Variants in DLG2 observed in about 807,000 individuals in gnomAD.
The protein encoded by DLG2 is discs large MAGUK scaffold protein 2.
In DLG2, 45 loss-of-function variants were observed where a neutral mutation model predicts 132.5. That is an observed-to-expected ratio of 0.34 (90% CI 0.27 to 0.44). The LOEUF is 0.44. DLG2 is among the 20% of genes least tolerant of loss of function. The pLI is 1.00. For synonymous variants in DLG2, 424 were observed against 419.6 expected, an observed-to-expected ratio of 1.01 and a Z score of -0.13; for missense variants, 1,045 against 1,196.9, an observed-to-expected ratio of 0.87 and a Z score of 1.87.
At position 85,523,088 on chromosome 11, in the gene DLG2, G is replaced by A. The variant is rs185725212; in HGVS notation, c.40+75569C>T. Among the ~76,000 whole-genome samples, 3 of 152,260 alleles carry A rather than the reference G, an allele frequency of 2.0e-5. No individual in the cohort carries two copies. In the East Asian group the frequency reaches 5.8e-4, roughly 29 times the overall value. On this transcript the variant is annotated intron_variant, in intron 3 of 27. Coordinates refer to ENST00000376104, the MANE Select transcript of DLG2 (RefSeq NM_001142699.3). ...ATCCCAATTATAATCCCCATGTATT[G>A]GGGGAGGGACCTTGTGGGAGGTGAT... is the stretch of plus-strand genomic sequence containing the variant.
At chr11:84,459,826 G>A (rs1390908027) in intron 7 of DLG2, among the ~76,000 whole-genome samples, 1 of 150,468 alleles carries the variant, frequency 6.6e-6, no homozygotes, top group Non-Finnish European at 1.5e-5. Flanking sequence ...CAAAAATACA[G>A]CAATTTAACC....
At chr11:83,924,335 T>C (rs1407349003) in intron 15 of DLG2, among the ~76,000 whole-genome samples, 1 of 152,322 alleles carries the variant, frequency 6.6e-6, no homozygotes, top group East Asian at 1.9e-4. Context: ...AGATAAGTTT[T>C]AGTATTCAAT....
intron 3 of DLG2, among the ~76,000 whole-genome samples, chr11:85,496,672 C>T (rs1328090268): frequency 1.3e-5 from 2 of 152,048 alleles, no homozygotes; most frequent in African/African-American, 4.8e-5. Flanking sequence ...CCAGTAGGGG[C>T]CAACAGACAC....
chr11:85,518,630 G>T (rs879405263), intron 3 of DLG2, among the ~76,000 whole-genome samples: 5 of 152,176 alleles, frequency 3.3e-5, no homozygotes, highest in Non-Finnish European at 7.4e-5. Flanking sequence ...CATTTTCTGA[G>T]GATAAATTCA....
chr11:84,478,081 T>G (rs1299347125), intron 7 of DLG2, among the ~76,000 whole-genome samples: 1 of 152,180 alleles, frequency 6.6e-6, no homozygotes, highest in African/African-American at 2.4e-5. Flanking sequence ...GCTCATGCTC[T>G]TAGCCTCTCT....
intron 7 of DLG2, among the ~76,000 whole-genome samples, chr11:84,350,026 A>C (rs2098555762): frequency 6.6e-6 from 1 of 151,862 alleles, no homozygotes; most frequent in African/African-American, 2.4e-5. Context: ...AAATACAAAA[A>C]AATTAGCGGG....
At position 84,508,947 on chromosome 11, in the gene DLG2, C is replaced by T. The variant is rs531421194; in HGVS notation, c.519+25623G>A. On this transcript the variant is annotated intron_variant, in intron 7 of 27. Coordinates refer to ENST00000376104, the MANE Select transcript of DLG2 (RefSeq NM_001142699.3). The stretch of plus-strand genomic sequence containing the variant: ...ATATGGACTTCTATAAATGACTGAC[C>T]GTCTTACTACCAATGTATAAAAATT... Among the ~76,000 whole-genome samples, 15 of 152,162 alleles carry T rather than the reference C, an allele frequency of 9.9e-5. No individual in the cohort carries two copies. The South Asian group carries it at 2.9e-3, about 29-fold the overall frequency.
chr11:83,983,659 C>A (rs1379393124), intron 11 of DLG2, among the ~76,000 whole-genome samples: 1 of 151,848 alleles, frequency 6.6e-6, no homozygotes, highest in Admixed American at 6.6e-5. Flanking sequence ...GCAATTAAAG[C>A]AAGTGTTATC....
At chr11:83,583,773 G>T (rs946495452) in intron 19 of DLG2, among the ~76,000 whole-genome samples, 5 of 152,110 alleles carry the variant, frequency 3.3e-5, no homozygotes, top group African/African-American at 1.2e-4. Context: ...TTGTTCAATT[G>T]ATATGTTTCA....
intron 6 of DLG2, among the ~76,000 whole-genome samples, chr11:85,030,072 G>T (rs1298563521): frequency 6.6e-6 from 1 of 152,130 alleles, no homozygotes; most frequent in Non-Finnish European, 1.5e-5. Context: ...GACTGCACTG[G>T]AGTCTACCCT....
intron 9 of DLG2, among the ~76,000 whole-genome samples, chr11:84,109,721 T>C (rs1396443168): frequency 6.6e-6 from 1 of 152,224 alleles, no homozygotes; most frequent in African/African-American, 2.4e-5. Context: ...AGTTCCTCTT[T>C]TGTAGTCCCA....
At position 84,298,431 on chromosome 11, in the gene DLG2, C is replaced by A. The variant is rs540198149; in HGVS notation, c.520-47140G>T. On this transcript the variant is annotated intron_variant, in intron 7 of 27. Transcript: ENST00000376104. ...GTTCAGAGACCCAATCACAGTGTTA[C>A]CTAAAGAAGCCCCTTGCGACCCCGC... Among the ~76,000 whole-genome samples, 4 of 152,202 alleles carry A rather than the reference C, an allele frequency of 2.6e-5. No individual in the cohort carries two copies. The South Asian group carries it at 8.3e-4, about 32-fold the overall frequency.
chr11:83,728,947 T>C (rs1419873921), intron 18 of DLG2, among the ~76,000 whole-genome samples: 1 of 152,218 alleles, frequency 6.6e-6, no homozygotes, highest in Non-Finnish European at 1.5e-5. Flanking sequence ...GTTTTATTTT[T>C]CTTTCTTTTT....
intron 6 of DLG2, among the ~76,000 whole-genome samples, chr11:84,812,038 A>G (rs1267720618): frequency 1.3e-5 from 2 of 152,112 alleles, no homozygotes; most frequent in Non-Finnish European, 2.9e-5. Flanking sequence ...TTCTCTGTCT[A>G]CCATGTGTAA....
At chr11:83,825,411 C>G (rs977675809) in intron 17 of DLG2, among the ~76,000 whole-genome samples, 1 of 151,828 alleles carries the variant, frequency 6.6e-6, no homozygotes, top group African/African-American at 2.4e-5. Context: ...AAACTCCCCA[C>G]CTCAGGTGAA....
intron 6 of DLG2, among the ~76,000 whole-genome samples, chr11:84,974,417 A>G (rs1286282062): frequency 6.6e-6 from 1 of 152,164 alleles, no homozygotes; most frequent in East Asian, 1.9e-4. Flanking sequence ...TTAACTTTCT[A>G]AATGTCCTCA....
At chr11:85,518,534 A>G (rs1391075056) in intron 3 of DLG2, among the ~76,000 whole-genome samples, 4 of 152,188 alleles carry the variant, frequency 2.6e-5, no homozygotes, top group Admixed American at 1.3e-4. Flanking sequence ...CTTGGGTGCT[A>G]TTAAAGGCAT....
At chr11:84,929,996 A>G (rs187503602) in intron 6 of DLG2, among the ~76,000 whole-genome samples, 1 of 152,246 alleles carries the variant, frequency 6.6e-6, no homozygotes, top group African/African-American at 2.4e-5. Context: ...TCTGGATAAG[A>G]GAAAAGTCTA....
intron 5 of DLG2, among the ~76,000 whole-genome samples, chr11:85,114,954 A>T (rs2073353035): frequency 6.6e-6 from 1 of 151,942 alleles, no homozygotes; most frequent in African/African-American, 2.4e-5. Flanking sequence ...GTGAGAGATG[A>T]TTCATACAAA....
Sources: gnomAD v4.1 joint callset for allele counts (sites outside exome capture counted in the v4.1 genomes callset) on GRCh38, gnomAD v4.1.1 for gene constraint, MANE v1.5 for transcripts, NCBI Gene and HGNC (gene_info 2026-07-23, HGNC 2026-07-21) for gene names.